Variants in FSHR observed in about 807,000 individuals in gnomAD.
FSHR encodes follicle-stimulating hormone receptor.
In FSHR, 46 loss-of-function variants were observed where a neutral mutation model predicts 52.1. The observed-to-expected ratio is 0.88, with a 90% CI of 0.70 to 1.13. The LOEUF is 1.13. FSHR is among the 50% of genes most tolerant of loss of function. The pLI, the probability that FSHR is intolerant of heterozygous loss-of-function variation, is 0.00. For missense variants in FSHR, 964 were observed against 834.6 expected (o/e 1.16, Z -1.91); for synonymous variants, 399 against 309.6 (o/e 1.29, Z -3.03).
At chr2:49,075,304 AATT>A (rs1489649292) in intron 1 of FSHR, among the ~76,000 whole-genome samples, 3 of 152,142 alleles carry the variant, frequency 2.0e-5, no homozygotes, top group South Asian at 2.1e-4. Context: ...AAATATGTAC[AATT>A]ATTATTTGTA....
intron 1 of FSHR, among the ~76,000 whole-genome samples, chr2:49,089,653 A>G (rs986061225): frequency 2.0e-5 from 3 of 152,196 alleles, no homozygotes; most frequent in Admixed American, 6.5e-5. Context: ...TTTAACAAAG[A>G]AAGTATGTCT....
intron 4 of FSHR, among the ~76,000 whole-genome samples, chr2:49,012,965 T>C (rs1159286863): frequency 6.6e-6 from 1 of 152,128 alleles, no homozygotes; most frequent in East Asian, 1.9e-4. Context: ...TGGTAGGTAA[T>C]TAAGGTTAAA....
intron 6 of FSHR, among the ~76,000 whole-genome samples, chr2:48,986,577 A>G (rs1675526473): frequency 6.6e-6 from 1 of 152,160 alleles, no homozygotes; most frequent in Admixed American, 6.5e-5. Flanking sequence ...GTTTCCACAA[A>G]AGTGAGTTTA....
At chr2:49,082,776 G>A (rs909568344) in intron 1 of FSHR, among the ~76,000 whole-genome samples, 12 of 152,150 alleles carry the variant, frequency 7.9e-5, no homozygotes, top group African/African-American at 1.9e-4. Context: ...GAAATGAAGC[G>A]AGGAGGGAAG....
At chr2:49,013,497 T>TAAATATATATATATAAATAA (rs1270296746) in intron 4 of FSHR, among the ~76,000 whole-genome samples, 1 of 66,560 alleles carries the variant, frequency 1.5e-5, no homozygotes, top group Admixed American at 1.9e-4. Context: ...TATATATATA[T>TAAATATATATATATAAATAA]ATAAATATAT....
chr2:49,125,590 C>G (rs1558455045), intron 1 of FSHR, among the ~76,000 whole-genome samples: 1 of 152,224 alleles, frequency 6.6e-6, no homozygotes, highest in Non-Finnish European at 1.5e-5. Context: ...GTCTCGCACA[C>G]AGTAGGCAAT....
At chr2:49,131,242 C>A (rs556960102) in intron 1 of FSHR, among the ~76,000 whole-genome samples, 1 of 152,000 alleles carries the variant, frequency 6.6e-6, no homozygotes, top group Non-Finnish European at 1.5e-5. Flanking sequence ...GAGTTGAAGA[C>A]CAACAAACAA....
intron 1 of FSHR, among the ~76,000 whole-genome samples, chr2:49,111,623 C>T (rs1372947501): frequency 6.6e-6 from 1 of 152,122 alleles, no homozygotes; most frequent in Non-Finnish European, 1.5e-5. Context: ...GCCGTTGTTG[C>T]CTGGACGGCG....
At chr2:49,052,655 A>G (rs1156821012) in intron 2 of FSHR, among the ~76,000 whole-genome samples, 2 of 152,288 alleles carry the variant, frequency 1.3e-5, no homozygotes, top group South Asian at 4.1e-4. Flanking sequence ...CTTCCCATTC[A>G]GAGATCTAAC....
intron 1 of FSHR, among the ~76,000 whole-genome samples, chr2:49,082,950 A>C (rs151040317): frequency 6.6e-6 from 1 of 151,682 alleles, no homozygotes; most frequent in South Asian, 2.1e-4. Flanking sequence ...AACTTCCCCA[A>C]TCGAGCAAGG....
At chr2:48,997,698 C>A (rs970212410) in intron 4 of FSHR, among the ~76,000 whole-genome samples, 14 of 152,128 alleles carry the variant, frequency 9.2e-5, no homozygotes, top group South Asian at 2.1e-4. Flanking sequence ...TGGTCATGCT[C>A]CAGCCTTGTA....
intron 4 of FSHR, among the ~76,000 whole-genome samples, chr2:49,005,601 G>C (rs1194770153): frequency 6.6e-6 from 1 of 152,090 alleles, no homozygotes; most frequent in African/African-American, 2.4e-5. Context: ...GGGGAAGAGA[G>C]GGTTTTAGGG....
chr2:49,073,277 T>G (rs76592765), intron 1 of FSHR, among the ~76,000 whole-genome samples: 5,853 of 152,156 alleles, frequency 0.038, 169 homozygotes, highest in Middle Eastern at 0.061. Context: ...TTGTTCCTAC[T>G]TGCAGATTAC....
chr2:49,045,731 G>A (rs1668631587), intron 2 of FSHR, among the ~76,000 whole-genome samples: 1 of 152,116 alleles, frequency 6.6e-6, no homozygotes, highest in African/African-American at 2.4e-5. Context: ...TTTACTGCTT[G>A]GATTAGACAT....
intron 1 of FSHR, among the ~76,000 whole-genome samples, chr2:49,118,716 C>T (rs1215058993): frequency 6.6e-6 from 1 of 152,154 alleles, no homozygotes; most frequent in African/African-American, 2.4e-5. Flanking sequence ...TGCTCATTAA[C>T]ATACCCAATC....
chr2:49,016,621 G>A (rs1157958038), intron 4 of FSHR, among the ~76,000 whole-genome samples: 2 of 152,140 alleles, frequency 1.3e-5, no homozygotes, highest in Non-Finnish European at 2.9e-5. Context: ...CTTAGCTGAG[G>A]TCAGGCAGAC....
At chr2:49,125,857 A>G (rs1226392062) in intron 1 of FSHR, among the ~76,000 whole-genome samples, 2 of 152,216 alleles carry the variant, frequency 1.3e-5, no homozygotes, top group Non-Finnish European at 2.9e-5. Context: ...TCAGTTGCTA[A>G]CAGACCTAAA....
At chr2:49,115,440 T>C (rs781410172) in intron 1 of FSHR, among the ~76,000 whole-genome samples, 23 of 152,180 alleles carry the variant, frequency 1.5e-4, no homozygotes, top group Non-Finnish European at 1.8e-4. Flanking sequence ...ATGATTTTTA[T>C]AGACTGTGTA....
rs1466768789 is a variant in FSHR at position 49,083,384 on chromosome 2, C to A, written c.153-15094G>T. ...AAGGAACAACCGGTACCAGCCACTG[C>A]AAAATCATGCCAAATGTAAAGACCA... On this transcript the variant is annotated intron_variant, in intron 1 of 9. Transcript: ENST00000406846. 8.6e-5 allele frequency among the ~76,000 whole-genome samples: 13 copies of A among 151,784 alleles called. No homozygotes were observed. The South Asian group carries it at 1.9e-3, about 22-fold the overall frequency.
Sources: allele counts gnomAD v4.1 joint callset (sites outside exome capture counted in the v4.1 genomes callset), GRCh38; gene constraint gnomAD v4.1.1; transcripts MANE v1.5; gene names NCBI Gene and HGNC (gene_info 2026-07-23, HGNC 2026-07-21).